Variants in PRKCB observed in about 807,000 individuals in gnomAD.
PRKCB encodes protein kinase C beta, also known as protein kinase C beta type.
A neutral mutation model predicts 81.5 loss-of-function variants in PRKCB; 13 were observed. The ratio of observed to expected loss-of-function variants is 0.16; its 90% CI spans 0.10 to 0.25. The LOEUF (loss-of-function observed/expected upper bound fraction) is 0.25. Ranked by LOEUF, PRKCB falls within the 10% of genes least tolerant of loss-of-function variation. The pLI is 1.00. For synonymous variants in PRKCB, 335 were observed against 321.4 expected (o/e 1.04, Z -0.45); for missense variants, 509 against 875.7 (o/e 0.58, Z 5.29).
intron 10 of PRKCB, among the ~76,000 whole-genome samples, chr16:24,156,978 G>A (rs1967170753): frequency 6.6e-6 from 1 of 152,034 alleles, no homozygotes; most frequent in African/African-American, 2.4e-5. Context: ...TTGAGAGTGG[G>A]AGAAATGAAT....
chr16:24,171,388 C>T (rs542178098), intron 10 of PRKCB, among the ~76,000 whole-genome samples: 1 of 152,274 alleles, frequency 6.6e-6, no homozygotes, highest in South Asian at 2.1e-4. Flanking sequence ...AGCAAGTGAT[C>T]TGAGAGAGAG....
chr16:24,169,788 A>T (rs1180928852), intron 10 of PRKCB, among the ~76,000 whole-genome samples: 1 of 150,840 alleles, frequency 6.6e-6, no homozygotes, highest in Admixed American at 6.6e-5. Flanking sequence ...TTATTTATTT[A>T]TTTTTTGAGA....
rs1968293635 is a variant in PRKCB, at chr16:24,219,768, C to T, written c.*4952C>T. On this transcript the variant is annotated 3_prime_UTR_variant, in exon 17 of 17. Coordinates refer to ENST00000643927, the MANE Select transcript of PRKCB (RefSeq NM_002738.7). Reference sequence around the variant, plus strand: ...TTCTTTTCTTAGAAAATTTCCACCACATTTCTATCCCCAAGCCAACATACA... The same window carrying T: ...TTCTTTTCTTAGAAAATTTCCACCATATTTCTATCCCCAAGCCAACATACA... The T allele has an allele frequency of 7.2e-6, 10 of 1,393,626 alleles. No individual in the cohort carries two copies. Among genetic ancestry groups the T allele is most frequent in the Non-Finnish European group, 9.3e-6 (10 of 1,076,378 alleles). 86.3% of individuals were successfully genotyped at this position (1,393,626 alleles called of 1,614,324 possible). A position where few individuals can be genotyped will look rare whatever the true frequency, so the allele number is the denominator to read the frequency against.
chr16:24,116,567 A>G (rs894805253), intron 8 of PRKCB, among the ~76,000 whole-genome samples: 6 of 152,180 alleles, frequency 3.9e-5, no homozygotes, highest in Non-Finnish European at 7.3e-5. Flanking sequence ...CCTTGAGCTT[A>G]TCAGTCATTC....
At chr16:24,020,524 G>C (rs921643646) in intron 3 of PRKCB, among the ~76,000 whole-genome samples, 2 of 152,156 alleles carry the variant, frequency 1.3e-5, no homozygotes, top group African/African-American at 4.8e-5. Context: ...ATAAAATCAA[G>C]AGGTTTTATG....
At chr16:23,918,405 T>A (rs1313172044) in intron 2 of PRKCB, among the ~76,000 whole-genome samples, 1 of 141,586 alleles carries the variant, frequency 7.1e-6, no homozygotes, top group Non-Finnish European at 1.6e-5. Flanking sequence ...ATTATTATTT[T>A]TTTTTTTTTG....
At chr16:23,914,607 C>A (rs1963710300) in intron 2 of PRKCB, among the ~76,000 whole-genome samples, 2 of 152,120 alleles carry the variant, frequency 1.3e-5, no homozygotes, top group African/African-American at 4.8e-5. Context: ...TTTCCTTGCC[C>A]ATAAGTGCGG....
At chr16:24,011,521 A>G (rs1019302365) in intron 3 of PRKCB, among the ~76,000 whole-genome samples, 12 of 151,590 alleles carry the variant, frequency 7.9e-5, no homozygotes, top group African/African-American at 2.9e-4. Flanking sequence ...GTTTTGTTTT[A>G]TTTTGTTTTG....
chr16:23,913,498 G>A (rs1597242745), intron 2 of PRKCB, among the ~76,000 whole-genome samples: 1 of 152,212 alleles, frequency 6.6e-6, no homozygotes, highest in Non-Finnish European at 1.5e-5. Context: ...CTGGAGCTCT[G>A]AACTTCAGCT....
At chr16:24,109,390 C>T (rs1245583853) in intron 7 of PRKCB, among the ~76,000 whole-genome samples, 21 of 117,020 alleles carry the variant, frequency 1.8e-4, no homozygotes, top group Admixed American at 9.7e-4. Flanking sequence ...ACTTCTCAGA[C>T]GGGGCGGCCG....
At chr16:23,902,494 T>C (rs1299085907) in intron 2 of PRKCB, among the ~76,000 whole-genome samples, 1 of 152,090 alleles carries the variant, frequency 6.6e-6, no homozygotes, top group Non-Finnish European at 1.5e-5. Flanking sequence ...CCTGCAGTTG[T>C]TTATTTGACC....
intron 7 of PRKCB, among the ~76,000 whole-genome samples, chr16:24,111,926 A>G (rs763213487): frequency 6.6e-6 from 1 of 152,242 alleles, no homozygotes; most frequent in African/African-American, 2.4e-5. Context: ...TTTCACAAGA[A>G]TTCTATGAAA....
intron 5 of PRKCB, among the ~76,000 whole-genome samples, chr16:24,039,566 T>G (rs1483277197): frequency 6.6e-6 from 1 of 152,212 alleles, no homozygotes; most frequent in African/African-American, 2.4e-5. Context: ...TCCATGGTAT[T>G]CTGTTATGAC....
intron 8 of PRKCB, among the ~76,000 whole-genome samples, chr16:24,116,471 T>C (rs976148317): frequency 1.3e-5 from 2 of 152,164 alleles, no homozygotes; most frequent in East Asian, 1.9e-4. Context: ...CTTGAGCCTA[T>C]GCCCACCCGA....
chr16:24,012,383 G>A (rs1211137008), intron 3 of PRKCB, among the ~76,000 whole-genome samples: 1 of 152,160 alleles, frequency 6.6e-6, no homozygotes, highest in Non-Finnish European at 1.5e-5. Flanking sequence ...GCAGAGTCTG[G>A]ATTTGAGTTT....
At chr16:24,109,440 G>A (rs1349495977) in intron 7 of PRKCB, among the ~76,000 whole-genome samples, 3 of 119,888 alleles carry the variant, frequency 2.5e-5, no homozygotes, top group South Asian at 2.8e-4. Flanking sequence ...GGTTGCGGCC[G>A]GGCAGAGGTG....
At chr16:24,104,293 A>T (rs1966548764) in intron 7 of PRKCB, among the ~76,000 whole-genome samples, 1 of 152,190 alleles carries the variant, frequency 6.6e-6, no homozygotes. Flanking sequence ...ATTGACATGA[A>T]GTTATCTTTG....
At position 24,125,941 on chromosome 16, in the gene PRKCB, G is replaced by A. The variant is rs187674288; in HGVS notation, c.1065+1960G>A. Among the ~76,000 whole-genome samples the A allele has an allele frequency of 9.5e-4, 144 of 152,346 alleles. 1 individual carries two copies. Among genetic ancestry groups the A allele is most frequent in the Non-Finnish European group, 1.8e-3 (125 of 68,032 alleles). ...TGGCAGTGGTCCACAACGTTGTATG[G>A]TTTTTACCAGCAGCTCTGAGTATCC... On this transcript the variant is annotated intron_variant, in intron 9 of 16. Coordinates refer to ENST00000643927, the MANE Select transcript of PRKCB (RefSeq NM_002738.7).
At chr16:24,212,461 C>CTTTTTTTTTTTTTTTTTTT (rs975667798) in intron 16 of PRKCB, among the ~76,000 whole-genome samples, 2 of 78,042 alleles carry the variant, frequency 2.6e-5, no homozygotes, top group African/African-American at 4.9e-5. Context: ...CTTTTTTTTC[C>CTTTTTTTTTTTTTTTTTTT]TTTTTTTTTT....
Sources: gnomAD v4.1 joint callset for allele counts (sites outside exome capture counted in the v4.1 genomes callset) on GRCh38, gnomAD v4.1.1 for gene constraint, MANE v1.5 for transcripts, NCBI Gene and HGNC (gene_info 2026-07-23, HGNC 2026-07-21) for gene names.